Variants in MSI2 observed in about 807,000 individuals in gnomAD.
The protein encoded by MSI2 is RNA-binding protein Musashi homolog 2.
In MSI2, 17 loss-of-function variants were observed where a neutral mutation model predicts 45.6. The ratio of observed to expected loss-of-function variants is 0.37; its 90% CI spans 0.26 to 0.56. The LOEUF (loss-of-function observed/expected upper bound fraction) is 0.56, where lower values mean the gene tolerates loss of function less well. Among genes scored for constraint, MSI2 ranks in the 20% least tolerant of loss-of-function variants. MSI2 has a pLI of 0.77. For missense variants in MSI2, 293 were observed against 444.2 expected, an observed-to-expected ratio of 0.66 and a Z score of 3.06; for synonymous variants, 156 against 158.2, an observed-to-expected ratio of 0.99 and a Z score of 0.11.
intron 11 of MSI2, among the ~76,000 whole-genome samples, chr17:57,670,071 C>T (rs1250872935): frequency 1.3e-5 from 2 of 152,184 alleles, no homozygotes; most frequent in Non-Finnish European, 2.9e-5. Flanking sequence ...GAACTGAGCT[C>T]ATCTGGAAAA....
At chr17:57,320,882 C>A (rs941228784) in intron 5 of MSI2, among the ~76,000 whole-genome samples, 2 of 152,038 alleles carry the variant, frequency 1.3e-5, no homozygotes, top group African/African-American at 4.8e-5. Context: ...TATATGTGGT[C>A]ATTTCCTAGA....
chr17:57,342,244 C>CTT (rs1915230847), intron 5 of MSI2, among the ~76,000 whole-genome samples: 1 of 152,134 alleles, frequency 6.6e-6, no homozygotes, highest in Non-Finnish European at 1.5e-5. Context: ...CAAAACACCT[C>CTT]TTTGATACAT....
intron 7 of MSI2, among the ~76,000 whole-genome samples, chr17:57,568,104 G>T (rs2087781121): frequency 6.6e-6 from 1 of 152,162 alleles, no homozygotes; most frequent in South Asian, 2.1e-4. Flanking sequence ...TGAAATAAAG[G>T]CTGGGGGAGC....
chr17:57,275,932 T>C (rs1256151779), intron 5 of MSI2, among the ~76,000 whole-genome samples: 1 of 152,180 alleles, frequency 6.6e-6, no homozygotes, highest in Non-Finnish European at 1.5e-5. Context: ...CCCTCCCTCC[T>C]TCAGTTCTCT....
chr17:57,633,910 A>C (rs753848679), intron 10 of MSI2, among the ~76,000 whole-genome samples: 3 of 152,170 alleles, frequency 2.0e-5, no homozygotes, highest in Non-Finnish European at 4.4e-5. Context: ...GGGATCTGTC[A>C]TCAGTGAAAG....
chr17:57,358,680 C>T (rs1475595358), intron 5 of MSI2, among the ~76,000 whole-genome samples: 1 of 152,046 alleles, frequency 6.6e-6, no homozygotes, highest in Non-Finnish European at 1.5e-5. Context: ...CACACAAATT[C>T]CATGAAAACC....
At position 57,610,915 on chromosome 17, in the gene MSI2, G is replaced by A. The variant is rs143569004; in HGVS notation, c.538-5055G>A. Among the ~76,000 whole-genome samples, 219 of 94,870 alleles carry A rather than the reference G, an allele frequency of 2.3e-3. 76 individuals are homozygous for A. The South Asian group carries it at 0.038, about 16-fold the overall frequency. The allele number at this position is 94,870 out of a possible 152,430, so 62.2% of individuals were successfully genotyped here. ...TTTCAGAACAAATCCCATCAATTTT[G>A]TTGGGGTGGGGGGTGTTGGCACATC... On this transcript the variant is annotated intron_variant, in intron 8 of 13. Coordinates refer to ENST00000284073, the MANE Select transcript of MSI2 (RefSeq NM_138962.4).
intron 11 of MSI2, among the ~76,000 whole-genome samples, chr17:57,665,932 T>G (rs1171964355): frequency 2.0e-5 from 3 of 152,164 alleles, no homozygotes; most frequent in African/African-American, 7.2e-5. Context: ...GAGGGTGGCC[T>G]AGTCCTCAGG....
chr17:57,476,093 C>G (rs1227601207), intron 6 of MSI2, among the ~76,000 whole-genome samples: 1 of 152,160 alleles, frequency 6.6e-6, no homozygotes, highest in Non-Finnish European at 1.5e-5. Context: ...TTTTAATTGG[C>G]ACAAAAGGGC....
At position 57,457,784 on chromosome 17, in the gene MSI2, C is replaced by T. The variant is rs564872511; in HGVS notation, c.405+56313C>T. ...ATTAACTAGGCATGGTACTGTATGC[C>T]GGTAGTCTTAGCTACTCAGGTGGCT... On this transcript the variant is annotated intron_variant, in intron 6 of 13. Transcript: ENST00000284073. Among the ~76,000 whole-genome samples, 16 of 152,134 alleles carry T rather than the reference C, an allele frequency of 1.1e-4. 1 individual carries two copies. Among genetic ancestry groups the T allele is most frequent in the South Asian group, 4.1e-4 (2 of 4,820 alleles).
intron 6 of MSI2, among the ~76,000 whole-genome samples, chr17:57,413,962 A>G (rs1029287307): frequency 6.6e-6 from 1 of 151,984 alleles, no homozygotes; most frequent in Non-Finnish European, 1.5e-5. Context: ...AATGCCAGGT[A>G]CCGAGCTAGG....
chr17:57,547,941 TC>T (rs2087209039), intron 7 of MSI2, among the ~76,000 whole-genome samples: 1 of 152,128 alleles, frequency 6.6e-6, no homozygotes. Context: ...CCCTAAACAC[TC>T]CAGTTTTTCT....
intron 7 of MSI2, among the ~76,000 whole-genome samples, chr17:57,576,914 T>A: frequency 6.6e-6 from 1 of 152,100 alleles, no homozygotes; most frequent in African/African-American, 2.4e-5. Context: ...ATGGAGCTGC[T>A]AAGGACGCCA....
At chr17:57,409,592 TTTC>T (rs1245652112) in intron 6 of MSI2, among the ~76,000 whole-genome samples, 2 of 152,196 alleles carry the variant, frequency 1.3e-5, no homozygotes, top group South Asian at 4.1e-4. Context: ...GTGATGGGCC[TTTC>T]TTCTTTGTGG....
At chr17:57,339,287 C>T (rs1178656345) in intron 5 of MSI2, among the ~76,000 whole-genome samples, 1 of 152,212 alleles carries the variant, frequency 6.6e-6, no homozygotes, top group Non-Finnish European at 1.5e-5. Context: ...AGATCATCGT[C>T]TCACGGATTG....
intron 10 of MSI2, chr17:57,631,130 T>TC (rs1909333101): frequency 6.6e-6 from 1 of 152,354 alleles, no homozygotes; most frequent in Non-Finnish European, 1.5e-5. Flanking sequence ...CCGGTCCCCC[T>TC]CATGCTGTGC....
At chr17:57,271,005 A>T (rs1324948004) in intron 5 of MSI2, among the ~76,000 whole-genome samples, 2 of 152,122 alleles carry the variant, frequency 1.3e-5, no homozygotes, top group Admixed American at 1.3e-4. Flanking sequence ...CCTTTTCCGT[A>T]TCTGATGCCT....
chr17:57,396,595 G>A (rs1425432579), intron 5 of MSI2, among the ~76,000 whole-genome samples: 1 of 152,154 alleles, frequency 6.6e-6, no homozygotes, highest in East Asian at 1.9e-4. Context: ...TTGCAGCTCT[G>A]GTTAGTACTG....
intron 7 of MSI2, among the ~76,000 whole-genome samples, chr17:57,575,380 C>T (rs2088008936): frequency 6.6e-6 from 1 of 152,146 alleles, no homozygotes; most frequent in South Asian, 2.1e-4. Context: ...GGTGGCGGCT[C>T]AATGGGAGTG....
Sources: gnomAD v4.1 joint callset for allele counts (sites outside exome capture counted in the v4.1 genomes callset) on GRCh38, gnomAD v4.1.1 for gene constraint, MANE v1.5 for transcripts, NCBI Gene and HGNC (gene_info 2026-07-23, HGNC 2026-07-21) for gene names.